Variants in MEP1B observed in about 807,000 individuals in gnomAD.
The protein encoded by MEP1B is N-benzoyl-L-tyrosyl-P-amino-benzoic acid hydrolase subunit beta.
Under a neutral mutation model 84.6 loss-of-function variants are expected in MEP1B, and 80 were observed. The ratio of observed to expected loss-of-function variants is 0.95; its 90% CI spans 0.79 to 1.14. The LOEUF (loss-of-function observed/expected upper bound fraction) is 1.14. Among genes scored for constraint, MEP1B ranks in the 50% most tolerant of loss-of-function variants. The pLI, the probability that MEP1B is intolerant of heterozygous loss-of-function variation, is 0.00. For missense variants in MEP1B, 766 were observed against 855.1 expected (o/e 0.90, Z 1.30); for synonymous variants, 273 against 288.1 (o/e 0.95, Z 0.53).
intron 12 of MEP1B, among the ~76,000 whole-genome samples, chr18:32,215,905 A>G (rs2041082216): frequency 7.0e-6 from 1 of 143,040 alleles, no homozygotes; most frequent in Non-Finnish European, 1.6e-5. Flanking sequence ...AGCACATGAA[A>G]TTAAATGACT....
In MEP1B at chr18:32,204,165, G is replaced by A; in HGVS notation, c.369-17G>A. On this transcript the variant is annotated splice_polypyrimidine_tract_variant and intron_variant, in intron 6 of 14. Transcript: ENST00000269202. ...TGTAACATTCTCTTCCCCCTTTCTT[G>A]TAAACTCTCCTGTAAGCTGCTGGTC... 6.3e-7 allele frequency: 1 copy of A among 1,596,574 alleles called. No individual in the cohort carries two copies. The highest frequency in any genetic ancestry group is 1.1e-5 in the South Asian group (1 of 87,966).
At chr18:32,208,403 A>T in intron 9 of MEP1B, 132 bp downstream of exon 9, 1 of 921,376 alleles carries the variant, frequency 1.1e-6, no homozygotes, top group Non-Finnish European at 1.5e-6. Context: ...TACTACTGAG[A>T]AGTAGGCCTT....
chr18:32,203,048 G>C (rs1322279564), intron 6 of MEP1B, 38 bp downstream of exon 6: 2 of 1,170,618 alleles, frequency 1.7e-6, no homozygotes, highest in African/African-American at 3.0e-5. Flanking sequence ...CATCTAAGGA[G>C]AACTCTAGTG....
intron 2 of MEP1B, 82 bp downstream of exon 2, chr18:32,191,922 G>T: frequency 1.2e-6 from 1 of 821,276 alleles, no homozygotes; most frequent in South Asian, 1.6e-5. Context: ...AATTACATAT[G>T]CATAATTGAT....
chr18:32,219,508 C>A (rs961059459), intron 14 of MEP1B, among the ~76,000 whole-genome samples: 1 of 152,056 alleles, frequency 6.6e-6, no homozygotes, highest in Non-Finnish European at 1.5e-5. Context: ...AGTTCGGTCT[C>A]CTGGGCCATT....
At chr18:32,203,185 T>A in intron 6 of MEP1B, 175 bp downstream of exon 6, 1 of 516,962 alleles carries the variant, frequency 1.9e-6, no homozygotes, top group Non-Finnish European at 3.4e-6. Flanking sequence ...GAAATTATAT[T>A]CCCATACATG....
In MEP1B at chr18:32,210,659, A is replaced by T; in HGVS notation, c.1078A>T (p.Arg360Trp). ...AAGTGATCAACTGAACATCTATATCAGGGAGTATTCTGCAGACAATGTGGA... is the reference window on the plus strand; with the variant it reads ...AAGTGATCAACTGAACATCTATATCTGGGAGTATTCTGCAGACAATGTGGA... Reference protein sequence around the residue: ...SESDQLNIYIREYSADNVDGN... With the variant: ...SESDQLNIYIWEYSADNVDGN... Residue 360 changes from arginine (R) to tryptophan (W), a missense_variant, in exon 10 of 15, where the codon AGG (arginine) becomes TGG (tryptophan). Transcript: ENST00000269202. 1 of 1,614,022 alleles carries T rather than the reference A, an allele frequency of 6.2e-7. No homozygotes were observed. Among genetic ancestry groups the T allele is most frequent in the Non-Finnish European group, 8.5e-7 (1 of 1,179,874 alleles).
Position 32,196,316 on chromosome 18 carries a change from T to C in MEP1B, c.250+831T>C, listed in dbSNP as rs1013690273. Reference sequence around the variant, plus strand: ...GGCGGGATGTTGTTGCTGGAGCCGTTGCGGTAGATCTCATGCATGGCGCGC... The same window carrying C: ...GGCGGGATGTTGTTGCTGGAGCCGTCGCGGTAGATCTCATGCATGGCGCGC... On this transcript the variant is annotated intron_variant, in intron 5 of 14. Coordinates refer to ENST00000269202, the MANE Select transcript of MEP1B (RefSeq NM_005925.3). The surrounding 1 kb of genome is among the most constrained non-coding windows in gnomAD (Gnocchi z 4.4). 7 of 704,682 alleles carry C rather than the reference T, an allele frequency of 9.9e-6. No homozygotes were observed. Among genetic ancestry groups the C allele is most frequent in the Admixed American group, 8.1e-5 (4 of 49,602 alleles). The allele number at this position is 704,682 out of a possible 1,614,324, so 43.7% of individuals were successfully genotyped here. A position where few individuals can be genotyped will look rare whatever the true frequency, so the allele number is the denominator to read the frequency against.
intron 14 of MEP1B, among the ~76,000 whole-genome samples, chr18:32,218,971 G>A (rs1208727325): frequency 1.3e-5 from 2 of 152,202 alleles, no homozygotes; most frequent in African/African-American, 2.4e-5. Context: ...AAGAAGCACA[G>A]AGAAAGTGGC....
chr18:32,191,793 T>TA (rs1232496043), intron 1 of MEP1B, 29 bp from the exon 2 acceptor site: 3 of 1,457,578 alleles, frequency 2.1e-6, no homozygotes. Flanking sequence ...ATTATAATAA[T>TA]ATGTTTTGTT....
intron 5 of MEP1B, among the ~76,000 whole-genome samples, chr18:32,197,403 T>C (rs2040866174): frequency 1.5e-5 from 1 of 66,146 alleles, no homozygotes; most frequent in Admixed American, 1.9e-4. Context: ...TTTTTCATTT[T>C]TGTTTTTTTT....
At chr18:32,219,359 T>C (rs1184316826) in intron 14 of MEP1B, among the ~76,000 whole-genome samples, 1 of 152,190 alleles carries the variant, frequency 6.6e-6, no homozygotes, top group Non-Finnish European at 1.5e-5. Flanking sequence ...CTTCACAAAA[T>C]TATTAGAAAA....
Position 32,204,164 on chromosome 18 carries a change from T to C in MEP1B, c.369-18T>C. 1 of 1,596,386 alleles carries C rather than the reference T, an allele frequency of 6.3e-7. No homozygotes were observed. The highest frequency in any genetic ancestry group is 8.5e-7 in the Non-Finnish European group (1 of 1,170,990). On this transcript the variant is annotated intron_variant, in intron 6 of 14. Transcript: ENST00000269202. Reference sequence around the variant, plus strand: ...TTGTAACATTCTCTTCCCCCTTTCTTGTAAACTCTCCTGTAAGCTGCTGGT... The same window carrying C: ...TTGTAACATTCTCTTCCCCCTTTCTCGTAAACTCTCCTGTAAGCTGCTGGT...
chr18:32,191,983 A>G, intron 2 of MEP1B, 143 bp downstream of exon 2: 5 of 585,334 alleles, frequency 8.5e-6, no homozygotes, highest in Non-Finnish European at 1.5e-5. Context: ...TGATTTATGG[A>G]GGGACATTTT....
intron 11 of MEP1B, 36 bp from the exon 12 acceptor site, chr18:32,215,046 A>C: frequency 6.8e-7 from 1 of 1,465,936 alleles, no homozygotes. Context: ...TACGATGATG[A>C]TAAACACACT....
At chr18:32,218,377 C>T (rs2041116142) in intron 14 of MEP1B, among the ~76,000 whole-genome samples, 1 of 152,098 alleles carries the variant, frequency 6.6e-6, no homozygotes, top group Non-Finnish European at 1.5e-5. Flanking sequence ...GGGATGCAGG[C>T]ATGTTTGGGG....
intron 2 of MEP1B, among the ~76,000 whole-genome samples, chr18:32,192,343 C>A (rs1485262129): frequency 6.6e-6 from 1 of 152,076 alleles, no homozygotes; most frequent in Non-Finnish European, 1.5e-5. Context: ...TTAATCTAGT[C>A]TTCTAGTCTT....
intron 5 of MEP1B, among the ~76,000 whole-genome samples, chr18:32,200,878 G>A (rs1383377904): frequency 6.6e-6 from 1 of 152,112 alleles, no homozygotes; most frequent in African/African-American, 2.4e-5. Context: ...AACCTGAAGG[G>A]GCTACTAAGG....
rs200209295 is a variant in MEP1B, at chr18:32,204,233, C to T, written c.420C>T (p.Ile140=). Residue 140 remains isoleucine (I), a synonymous_variant, in exon 7 of 15, where the codon ATC becomes ATT. Transcript: ENST00000269202. ...GGGTTGGGAAGCAAGAACTTTCCAT[C>T]GGGGCAAACTGTGACCGAATAGCAA... The part of the protein sequence containing the change: ...NRRVGKQELS[I]GANCDRIATV... The T allele has an allele frequency of 1.1e-3, 1,773 of 1,605,884 alleles. 2 individuals carry two copies. The highest frequency in any genetic ancestry group is 1.7e-3 in the African/African-American group (128 of 74,760).
Sources: allele counts gnomAD v4.1 joint callset (sites outside exome capture counted in the v4.1 genomes callset), GRCh38; gene constraint gnomAD v4.1.1; non-coding constraint Gnocchi (gnomAD v3.1); transcripts MANE v1.5; gene names NCBI Gene and HGNC (gene_info 2026-07-23, HGNC 2026-07-21).